SCYL2: variants seen among roughly 807,000 people sequenced by gnomAD.
SCYL2 encodes the protein SCY1 like pseudokinase 2, also known as SCY1-like protein 2.
Under a neutral mutation model 100.4 loss-of-function variants are expected in SCYL2, and 36 were observed. The observed-to-expected ratio is 0.36, with a 90% CI of 0.27 to 0.47. The LOEUF is 0.47. SCYL2 is among the 20% of genes least tolerant of loss of function. The pLI, the probability that SCYL2 is intolerant of heterozygous loss-of-function variation, is 1.00. For synonymous variants in SCYL2, 330 were observed against 359.2 expected, an observed-to-expected ratio of 0.92 and a Z score of 0.92; for missense variants, 902 against 1,083.9, an observed-to-expected ratio of 0.83 and a Z score of 2.36.
In SCYL2 at chr12:100,314,522, C is replaced by A; in HGVS notation, c.1003C>A (p.Leu335Met). The change falls in exon 8 of 18, where the codon CTG becomes ATG. Residue 335 changes from leucine to methionine, a missense_variant. Transcript: ENST00000360820. ...PFFDDVGAVT[L>M]QYFDTLFQRD... The stretch of plus-strand genomic sequence containing the variant: ...CTTTGATGATGTTGGTGCAGTAACA[C>A]TGCAATATTTTGATACCTTATTCCA... 6.3e-7 allele frequency: 1 copy of A among 1,592,106 alleles called. No homozygotes were observed. Among genetic ancestry groups the A allele is most frequent in the Non-Finnish European group, 8.6e-7 (1 of 1,168,136 alleles).
At chr12:100,335,566 G>T in intron 14 of SCYL2, 59 bp from the exon 15 acceptor site, 2 of 1,221,534 alleles carry the variant, frequency 1.6e-6, no homozygotes, top group South Asian at 1.4e-5. Flanking sequence ...TTTTTGGCAT[G>T]AGTATTTAAA....
intron 16 of SCYL2, among the ~76,000 whole-genome samples, chr12:100,337,110 T>G (rs1003028246): frequency 5.3e-5 from 8 of 152,194 alleles, no homozygotes; most frequent in Non-Finnish European, 8.8e-5. Context: ...CACTAAATCT[T>G]ATTGTCATTG....
intron 2 of SCYL2, among the ~76,000 whole-genome samples, chr12:100,286,702 A>G (rs2096304806): frequency 6.6e-6 from 1 of 152,072 alleles, no homozygotes; most frequent in African/African-American, 2.4e-5. Flanking sequence ...TCCTTACTAC[A>G]AAATATACAT....
intron 2 of SCYL2, among the ~76,000 whole-genome samples, chr12:100,289,536 A>G (rs938089554): frequency 6.6e-6 from 1 of 152,166 alleles, no homozygotes; most frequent in African/African-American, 2.4e-5. Flanking sequence ...CTATCTTGTT[A>G]TTTCTATTAT....
At chr12:100,294,906 C>T (rs535793862) in intron 3 of SCYL2, among the ~76,000 whole-genome samples, 5 of 147,204 alleles carry the variant, frequency 3.4e-5, no homozygotes, top group Admixed American at 2.0e-4. Flanking sequence ...TCAGACGGGG[C>T]GGCTGCTGGG....
In SCYL2 at chr12:100,311,177, A is replaced by G. The variant is rs868472046; in HGVS notation, c.614A>G (p.Asn205Ser). 1 of 1,595,606 alleles carries G rather than the reference A, an allele frequency of 6.3e-7. No homozygotes were observed. The highest frequency in any genetic ancestry group is 1.8e-5 in the Admixed American group (1 of 54,522). Reference sequence around the variant, plus strand: ...TTTGATTTTTGTGTATCATCAACCAATCCTTCTGAACAAGAGGTAATGAAA... The same window carrying G: ...TTTGATTTTTGTGTATCATCAACCAGTCCTTCTGAACAAGAGGTAATGAAA... ...MGFDFCVSSTNPSEQEPKFPC... is the reference protein window; with the variant it reads ...MGFDFCVSSTSPSEQEPKFPC... The change falls in exon 5 of 18, where the codon AAT becomes AGT. Residue 205 changes from asparagine (N) to serine (S), a missense_variant. Asn to Ser is a conservative substitution (Grantham distance 46, BLOSUM62 1). Transcript: ENST00000360820.
In SCYL2 at chr12:100,341,453, TCTC is replaced by T. The variant is rs1952351945; in HGVS notation, c.*2284_*2286del. On this transcript the variant is annotated 3_prime_UTR_variant, in exon 18 of 18. Coordinates refer to ENST00000360820, the MANE Select transcript of SCYL2 (RefSeq NM_017988.6). ...CCTTGCATTTGAATTAGTTCTCTAT[TCTC>T]CTATTGCTAAATGTGTGATATATAG... 1 of 152,186 alleles carries T rather than the reference TCTC, an allele frequency of 6.6e-6. No homozygotes were observed. Among genetic ancestry groups the T allele is most frequent in the East Asian group, 1.9e-4 (1 of 5,200 alleles). The allele number at this position is 152,186 out of a possible 1,614,324, so 9.4% of individuals were successfully genotyped here.
intron 13 of SCYL2, among the ~76,000 whole-genome samples, chr12:100,330,906 G>T: frequency 6.8e-6 from 1 of 146,834 alleles, no homozygotes; most frequent in East Asian, 2.0e-4. Flanking sequence ...TCATCTCACT[G>T]CAACCTCCGC....
At chr12:100,290,031 G>GA (rs1253623009) in intron 2 of SCYL2, among the ~76,000 whole-genome samples, 5 of 152,184 alleles carry the variant, frequency 3.3e-5, no homozygotes, top group Non-Finnish European at 7.4e-5. Flanking sequence ...TACAAGTCTT[G>GA]ATGTTAGTGG....
At chr12:100,302,765 T>G (rs1042962594) in intron 4 of SCYL2, among the ~76,000 whole-genome samples, 1 of 152,192 alleles carries the variant, frequency 6.6e-6, no homozygotes, top group Non-Finnish European at 1.5e-5. Flanking sequence ...CTTTGTGGTG[T>G]TCTCTGTATT....
chr12:100,294,949 T>A (rs1389972175), intron 3 of SCYL2, among the ~76,000 whole-genome samples: 1 of 139,270 alleles, frequency 7.2e-6, no homozygotes, highest in African/African-American at 2.8e-5. Flanking sequence ...GACGGGGCGG[T>A]TGCCAGGCAG....
At position 100,311,145 on chromosome 12, in the gene SCYL2, A is replaced by G. The variant is rs1231633928; in HGVS notation, c.582A>G (p.Ile194Met). 6.2e-7 allele frequency: 1 copy of G among 1,610,224 alleles called. No individual in the cohort carries two copies. The highest frequency in any genetic ancestry group is 8.5e-7 in the Non-Finnish European group (1 of 1,178,864). ...IILNKSGAWK[I>M]MGFDFCVSST... ...TGAATAAAAGTGGAGCCTGGAAAAT[A>G]ATGGGTTTTGATTTTTGTGTATCAT... The change falls in exon 5 of 18, where the codon ATA (isoleucine) becomes ATG (methionine). Residue 194 changes from isoleucine to methionine, a missense_variant. Transcript: ENST00000360820.
Position 100,331,053 on chromosome 12 carries a change from C to T in SCYL2, c.1761+1734C>T, listed in dbSNP as rs557834020. ...CATGTTCCAGGATGGTCTCAGACTC[C>T]GATCTCAAGTGATCTGCTTGCCTCG... On this transcript the variant is annotated intron_variant, in intron 13 of 17. Transcript: ENST00000360820. Among the ~76,000 whole-genome samples, 8 of 151,644 alleles carry T rather than the reference C, an allele frequency of 5.3e-5. No homozygotes were observed. The South Asian group carries it at 1.0e-3, about 20-fold the overall frequency.
chr12:100,334,003 G>T, intron 13 of SCYL2, 163 bp from the exon 14 acceptor site: 1 of 500,710 alleles, frequency 2.0e-6, no homozygotes, highest in Non-Finnish European at 3.5e-6. Flanking sequence ...ATGATATGCC[G>T]AATTTAAATG....
At chr12:100,299,635 C>T (rs768852027) in intron 4 of SCYL2, among the ~76,000 whole-genome samples, 32 of 151,606 alleles carry the variant, frequency 2.1e-4, no homozygotes, top group Non-Finnish European at 3.4e-4. Flanking sequence ...TATTCTTTTT[C>T]GGTCTGGCTT....
chr12:100,319,071 G>A (rs1296623667), intron 10 of SCYL2, among the ~76,000 whole-genome samples: 2 of 152,108 alleles, frequency 1.3e-5, no homozygotes, highest in Non-Finnish European at 2.9e-5. Context: ...AATAAAATAG[G>A]ATTTTTTTAA....
chr12:100,267,221 T>G lies in SCYL2; in HGVS notation c.-600T>G, dbSNP rs1266282452. On this transcript the variant is annotated 5_prime_UTR_variant, in exon 1 of 18. Coordinates refer to ENST00000360820, the MANE Select transcript of SCYL2 (RefSeq NM_017988.6). ...TACTCTTCGTCCCCGGTCCCTCCCC[T>G]CCCCACCCCTTTCCTTCTAGCTCCG... 2 of 790,090 alleles carry G rather than the reference T, an allele frequency of 2.5e-6. No homozygotes were observed. The highest frequency in any genetic ancestry group is 2.0e-5 in the African/African-American group (1 of 51,020). The allele number at this position is 790,090 out of a possible 1,614,324, so 48.9% of individuals were successfully genotyped here. A position where few individuals can be genotyped will look rare whatever the true frequency, so the allele number is the denominator to read the frequency against.
intron 4 of SCYL2, among the ~76,000 whole-genome samples, chr12:100,307,676 G>T (rs1057396473): frequency 1.3e-5 from 2 of 152,134 alleles, no homozygotes; most frequent in Non-Finnish European, 2.9e-5. Context: ...CTTTTGCACA[G>T]CAAAAGAAAC....
Position 100,311,079 on chromosome 12 carries a change from G to A in SCYL2, c.516G>A (p.Val172=), listed in dbSNP as rs1382008298. ...GATTGTCATTCTTGCATAGCAGTGT[G>A]AAAATGGTGCATGGAAATATCACTC... is the stretch of plus-strand genomic sequence containing the variant. ...SEGLSFLHSS[V]KMVHGNITPE... The change falls in exon 5 of 18, where the codon GTG becomes GTA. Residue 172 remains valine, a synonymous_variant. Coordinates refer to ENST00000360820, the MANE Select transcript of SCYL2 (RefSeq NM_017988.6). 15 of 1,602,364 alleles carry A rather than the reference G, an allele frequency of 9.4e-6. No individual in the cohort carries two copies. The highest frequency in any genetic ancestry group is 1.3e-5 in the Non-Finnish European group (15 of 1,175,470).
Sources: gnomAD v4.1 joint callset for allele counts (sites outside exome capture counted in the v4.1 genomes callset) on GRCh38, gnomAD v4.1.1 for gene constraint, MANE v1.5 for transcripts, NCBI Gene and HGNC (gene_info 2026-07-23, HGNC 2026-07-21) for gene names.